Variants in ZNF439 observed in about 807,000 individuals in gnomAD.
The protein encoded by ZNF439 is zinc finger protein 439.
Under a neutral mutation model 47.3 loss-of-function variants are expected in ZNF439, and 40 were observed. The ratio of observed to expected loss-of-function variants is 0.85; its 90% CI spans 0.66 to 1.10. The LOEUF is 1.10. Among genes scored for constraint, ZNF439 ranks in the 50% least tolerant of loss-of-function variants. The pLI, the probability that ZNF439 is intolerant of heterozygous loss-of-function variation, is 0.00. For missense variants in ZNF439, 556 were observed against 601.1 expected (o/e 0.93, Z 0.78); for synonymous variants, 171 against 198.8 (o/e 0.86, Z 1.18).
Position 11,868,029 on chromosome 19 carries a change from C to T in ZNF439, c.975C>T (p.His325=), listed in dbSNP as rs2145188412. 1 of 1,614,148 alleles carries T rather than the reference C, an allele frequency of 6.2e-7. No individual in the cohort carries two copies. The highest frequency in any genetic ancestry group is 8.5e-7 in the Non-Finnish European group (1 of 1,180,014). ...ATGTTCGTAGACATGAAAGGACCCACTCTAGGAAAAAACTTTATGAATGTA... is the reference window on the plus strand; with the variant it reads ...ATGTTCGTAGACATGAAAGGACCCATTCTAGGAAAAAACTTTATGAATGTA... ...PRYVRRHERT[H]SRKKLYECKQ... is the part of the protein sequence containing the mutation. The change falls in exon 4 of 4, where the codon CAC becomes CAT. Residue 325 remains histidine (H), a synonymous_variant. Coordinates refer to ENST00000682736, the MANE Select transcript of ZNF439 (RefSeq NM_001348719.2).
chr19:11,869,237 T>C lies in ZNF439; in HGVS notation c.*668T>C. 4.4e-6 allele frequency: 1 copy of C among 225,962 alleles called. No homozygotes were observed. 14.0% of individuals were successfully genotyped at this position (225,962 alleles called of 1,614,324 possible). A position where few individuals can be genotyped will look rare whatever the true frequency, so the allele number is the denominator to read the frequency against. Reference sequence around the variant, plus strand: ...TCACACTGGGGAGAAACCGTATCAATGTAAGCAATGTGGGAAAGCCGTCAG... The same window carrying C: ...TCACACTGGGGAGAAACCGTATCAACGTAAGCAATGTGGGAAAGCCGTCAG... On this transcript the variant is annotated 3_prime_UTR_variant, in exon 4 of 4. Coordinates refer to ENST00000682736, the MANE Select transcript of ZNF439 (RefSeq NM_001348719.2).
chr19:11,857,950 A>G (rs2145166066), intron 1 of ZNF439: 1 of 152,330 alleles, frequency 6.6e-6, no homozygotes, highest in African/African-American at 2.4e-5. Flanking sequence ...GAGTGGCCAA[A>G]AGAATGTCAT....
At chr19:11,856,486 G>T (rs1022907677) in intron 1 of ZNF439, 2 of 152,212 alleles carry the variant, frequency 1.3e-5, no homozygotes, top group African/African-American at 4.8e-5. Context: ...CAGCTGTCTC[G>T]CCTGTTTGGC....
intron 1 of ZNF439, chr19:11,851,066 G>A (rs1200335609): frequency 6.6e-6 from 1 of 151,740 alleles, no homozygotes; most frequent in East Asian, 1.9e-4. Flanking sequence ...ACAAAAAAGA[G>A]TTGAAGACCA....
In ZNF439 at chr19:11,868,010, G is replaced by T. The variant is rs775445686; in HGVS notation, c.956G>T (p.Arg319Leu). The stretch of plus-strand genomic sequence containing the variant: ...GCATTCATGTGTCCCCGTTATGTTC[G>T]TAGACATGAAAGGACCCACTCTAGG... ...GKAFMCPRYVRRHERTHSRKK... is the reference protein window; with the variant it reads ...GKAFMCPRYVLRHERTHSRKK... Residue 319 changes from arginine to leucine, a missense_variant, in exon 4 of 4, where the codon CGT becomes CTT. By Grantham distance (102) the Arg-to-Leu change is moderately radical (BLOSUM62 -2). Coordinates refer to ENST00000682736, the MANE Select transcript of ZNF439 (RefSeq NM_001348719.2). The T allele has an allele frequency of 6.2e-7, 1 of 1,614,118 alleles. No homozygotes were observed. The highest frequency in any genetic ancestry group is 1.1e-5 in the South Asian group (1 of 91,084).
chr19:11,868,589 C>A lies in ZNF439; in HGVS notation c.*20C>A. ...TTATAAATATAAGATATATGGGAAA[C>A]ACTTTTATTCTGCCAAGTTATTTCA... On this transcript the variant is annotated 3_prime_UTR_variant, in exon 4 of 4. Coordinates refer to ENST00000682736, the MANE Select transcript of ZNF439 (RefSeq NM_001348719.2). 2 of 1,575,930 alleles carry A rather than the reference C, an allele frequency of 1.3e-6. No homozygotes were observed. The highest frequency in any genetic ancestry group is 1.7e-6 in the Non-Finnish European group (2 of 1,164,306).
At chr19:11,857,733 C>T (rs1221948575) in intron 1 of ZNF439, 1 of 152,254 alleles carries the variant, frequency 6.6e-6, no homozygotes, top group Non-Finnish European at 1.5e-5. Flanking sequence ...TGAATATCCC[C>T]TAACAACTGT....
Position 11,857,369 on chromosome 19 carries a change from C to CTTTTAA in ZNF439, c.63+8443_63+8448dup, listed in dbSNP as rs371940855. The CTTTTAA allele has an allele frequency of 3.1e-3, 475 of 152,318 alleles. 4 individuals carry two copies. The highest frequency in any genetic ancestry group is 0.011 in the African/African-American group (467 of 41,558). 9.4% of individuals were successfully genotyped at this position (152,318 alleles called of 1,614,324 possible). A position where few individuals can be genotyped will look rare whatever the true frequency, so the allele number is the denominator to read the frequency against. On this transcript the variant is annotated intron_variant, in intron 1 of 3. Coordinates refer to ENST00000682736, the MANE Select transcript of ZNF439 (RefSeq NM_001348719.2). ...GCGTCTGGATCATACCCCATAAGCA[C>CTTTTAA]TTTTAATTTATGCCTACCTATAGTC...
intron 1 of ZNF439, chr19:11,849,404 C>A: frequency 1.6e-6 from 1 of 621,390 alleles, no homozygotes; most frequent in Non-Finnish European, 2.0e-6. Context: ...GGAAAAAAAA[C>A]AGACTATGTA....
chr19:11,854,706 C>T (rs779596023), intron 1 of ZNF439, among the ~76,000 whole-genome samples: 17 of 151,744 alleles, frequency 1.1e-4, no homozygotes, highest in Non-Finnish European at 2.1e-4. Context: ...TGCAGTGAGC[C>T]GAGATCGTGC....
chr19:11,854,555 C>A (rs184700925), intron 1 of ZNF439, among the ~76,000 whole-genome samples: 1 of 152,064 alleles, frequency 6.6e-6, no homozygotes, highest in Non-Finnish European at 1.5e-5. Context: ...GTCAGGAGTT[C>A]GAGACCAGCC....
intron 1 of ZNF439, 182 bp downstream of exon 1, chr19:11,849,112 C>G: frequency 8.6e-7 from 1 of 1,164,060 alleles, no homozygotes; most frequent in Non-Finnish European, 1.1e-6. Flanking sequence ...GCGTCCTGTC[C>G]CGTCCCTGCC....
Position 11,867,624 on chromosome 19 carries a change from C to T in ZNF439, c.570C>T (p.Pro190=). The T allele has an allele frequency of 6.2e-7, 1 of 1,614,086 alleles. No individual in the cohort carries two copies. The highest frequency in any genetic ancestry group is 8.5e-7 in the Non-Finnish European group (1 of 1,179,998). ...AAAGGGATCACACTGGAAAGAAACC[C>T]TATGCTTGTAAAGAATGTGGAAAAA... ...TQERDHTGKK[P]YACKECGKNI... The change falls in exon 4 of 4, where the codon CCC becomes CCT. Residue 190 remains proline, a synonymous_variant. Transcript: ENST00000682736.
Position 11,868,674 on chromosome 19 carries a change from C to A in ZNF439, c.*105C>A. 1.6e-6 allele frequency: 2 copies of A among 1,259,190 alleles called. No homozygotes were observed. The highest frequency in any genetic ancestry group is 2.3e-6 in the Non-Finnish European group (2 of 886,440). The allele number at this position is 1,259,190 out of a possible 1,614,324, so 78.0% of individuals were successfully genotyped here. A position where few individuals can be genotyped will look rare whatever the true frequency, so the allele number is the denominator to read the frequency against. ...TATAAATGCAAGCAATGTGGTAAAG[C>A]CTTAATTGTTCCAGTTCCTTTCGAT... On this transcript the variant is annotated 3_prime_UTR_variant, in exon 4 of 4. Transcript: ENST00000682736.
chr19:11,855,733 G>A (rs776659464), intron 1 of ZNF439, among the ~76,000 whole-genome samples: 1 of 152,150 alleles, frequency 6.6e-6, no homozygotes. Context: ...TACTGCACAG[G>A]ACATTATGGC....
Position 11,861,538 on chromosome 19 carries a change from C to A in ZNF439, c.64-4667C>A, listed in dbSNP as rs75479418. 5.9e-3 allele frequency among the ~76,000 whole-genome samples: 896 copies of A among 152,240 alleles called. 23 individuals carry two copies. In the East Asian group the frequency reaches 0.066, roughly 11 times the overall value. The stretch of plus-strand genomic sequence containing the variant: ...ATCTAGATAACCAATTCTCTGAGTT[C>A]TCAGCTTCTCCCTCCCAACTCCAGT... On this transcript the variant is annotated intron_variant, in intron 1 of 3. Coordinates refer to ENST00000682736, the MANE Select transcript of ZNF439 (RefSeq NM_001348719.2).
rs532860952 is a variant in ZNF439 at position 11,858,468 on chromosome 19, A to G, written c.64-7737A>G. 4.7e-4 allele frequency among the ~76,000 whole-genome samples: 45 copies of G among 95,670 alleles called. 1 individual carries two copies. The highest frequency in any genetic ancestry group is 4.3e-3 in the Admixed American group (40 of 9,200). 62.8% of individuals were successfully genotyped at this position (95,670 alleles called of 152,430 possible). Reference sequence around the variant, plus strand: ...GCGACAGAGCGAGACTCCATCTCGGAAAAAAAAAAAAAAAAGGGGGTCTAT... The same window carrying G: ...GCGACAGAGCGAGACTCCATCTCGGGAAAAAAAAAAAAAAAGGGGGTCTAT... On this transcript the variant is annotated intron_variant, in intron 1 of 3. Transcript: ENST00000682736.
intron 1 of ZNF439, among the ~76,000 whole-genome samples, chr19:11,865,635 A>AT (rs1189362225): frequency 2.8e-5 from 4 of 144,002 alleles, no homozygotes; most frequent in Non-Finnish European, 6.0e-5. Context: ...GTACTCTGTT[A>AT]TGACAGGTGC....
chr19:11,868,050 A>T lies in ZNF439; in HGVS notation c.996A>T (p.Glu332Asp), dbSNP rs1976751717. The change falls in exon 4 of 4, where the codon GAA becomes GAT. Residue 332 changes from glutamate (E) to aspartate (D), a missense_variant. By Grantham distance (45) the Glu-to-Asp change is conservative. Transcript: ENST00000682736. ...CCCACTCTAGGAAAAAACTTTATGA[A>T]TGTAAGCAGTGTGGGAAAGCATTAT... ...ERTHSRKKLYECKQCGKALSS... is the reference protein window; with the variant it reads ...ERTHSRKKLYDCKQCGKALSS... The T allele has an allele frequency of 6.2e-7, 1 of 1,614,102 alleles. No individual in the cohort carries two copies.
Sources: allele counts gnomAD v4.1 joint callset (sites outside exome capture counted in the v4.1 genomes callset), GRCh38; gene constraint gnomAD v4.1.1; transcripts MANE v1.5; gene names NCBI Gene and HGNC (gene_info 2026-07-23, HGNC 2026-07-21).